PRELID2: variants seen among roughly 807,000 people sequenced by gnomAD.
PRELID2 encodes PRELI domain containing 2, also known as PRELI domain-containing protein 2.
A neutral mutation model predicts 28.4 loss-of-function variants in PRELID2; 25 were observed. The observed-to-expected ratio is 0.88, with a 90% CI of 0.64 to 1.23. The LOEUF is 1.23. Ranked by LOEUF, PRELID2 falls within the 50% of genes most tolerant of loss-of-function variation. The pLI is 0.00. For missense variants in PRELID2, 201 were observed against 214.4 expected, an observed-to-expected ratio of 0.94 and a Z score of 0.39; for synonymous variants, 76 against 71.6, an observed-to-expected ratio of 1.06 and a Z score of -0.31.
chr5:145,642,393 T>C (rs1754122829), intron 1 of PRELID2, among the ~76,000 whole-genome samples: 1 of 152,212 alleles, frequency 6.6e-6, no homozygotes, highest in Non-Finnish European at 1.5e-5. Context: ...TTATTTAAGT[T>C]CTTTGTAGAT....
At chr5:145,600,434 A>AAAAAAATATATATATATATATAT (rs1315631607) in intron 1 of PRELID2, among the ~76,000 whole-genome samples, 18 of 120,086 alleles carry the variant, frequency 1.5e-4, no homozygotes, top group African/African-American at 6.9e-4. Context: ...AAAAAAAAAA[A>AAAAAAATATATATATATATATAT]ATATATATAT....
intron 4 of PRELID2, among the ~76,000 whole-genome samples, chr5:145,796,886 C>T (rs1003594320): frequency 3.9e-5 from 6 of 152,086 alleles, no homozygotes; most frequent in Non-Finnish European, 7.4e-5. Flanking sequence ...ACCATAGTAT[C>T]TTTCTTTTAC....
intron 1 of PRELID2, among the ~76,000 whole-genome samples, chr5:145,515,175 T>C (rs1203377263): frequency 6.6e-6 from 1 of 150,674 alleles, no homozygotes; most frequent in African/African-American, 2.4e-5. Context: ...CTGAAGGAGA[T>C]AGAGACACGA....
intron 1 of PRELID2, among the ~76,000 whole-genome samples, chr5:145,640,277 G>A (rs1000293296): frequency 6.6e-6 from 1 of 151,992 alleles, no homozygotes; most frequent in Non-Finnish European, 1.5e-5. Flanking sequence ...ACGAGGTCAG[G>A]AGATCGAGAC....
chr5:145,272,103 A>G, the PRELID2 span, among the ~76,000 whole-genome samples: 1 of 151,744 alleles, frequency 6.6e-6, no homozygotes, highest in East Asian at 1.9e-4. Context: ...TTATTTCTGG[A>G]GCAGCAAACA....
chr5:145,637,504 C>T (rs1354678367), intron 1 of PRELID2, among the ~76,000 whole-genome samples: 2 of 150,482 alleles, frequency 1.3e-5, no homozygotes, highest in African/African-American at 2.4e-5. Flanking sequence ...ATTGGGACTT[C>T]TCTGCCAAAA....
intron 1 of PRELID2, among the ~76,000 whole-genome samples, chr5:145,746,894 A>G (rs950342450): frequency 2.0e-5 from 3 of 152,168 alleles, no homozygotes; most frequent in African/African-American, 7.2e-5. Flanking sequence ...AAAACCACAC[A>G]ATTACATGGA....
chr5:145,377,421 G>T, the PRELID2 span, among the ~76,000 whole-genome samples: 7 of 152,032 alleles, frequency 4.6e-5, no homozygotes, highest in Non-Finnish European at 8.8e-5. Context: ...GCTGAGTTCA[G>T]GTCCTGAATA....
chr5:145,270,558 CTT>C, the PRELID2 span, among the ~76,000 whole-genome samples: 1 of 152,094 alleles, frequency 6.6e-6, no homozygotes. Flanking sequence ...CAGAATAACA[CTT>C]TTAACTATTA....
chr5:145,590,196 T>C (rs1038769283), intron 1 of PRELID2, among the ~76,000 whole-genome samples: 4 of 152,184 alleles, frequency 2.6e-5, no homozygotes, highest in African/African-American at 4.8e-5. Flanking sequence ...AGTTTGTTCC[T>C]TCTTTCTGGT....
At chr5:145,445,778 C>T in the PRELID2 span, among the ~76,000 whole-genome samples, 12 of 151,416 alleles carry the variant, frequency 7.9e-5, no homozygotes, top group East Asian at 1.9e-4. Flanking sequence ...ATCAACATCA[C>T]TAATCATCAG....
At chr5:145,751,709 C>T (rs141501893), downstream of PRELID2, among the ~76,000 whole-genome samples, 1,310 of 152,300 alleles carry the variant, frequency 8.6e-3, 28 homozygotes, top group African/African-American at 0.03. Flanking sequence ...GGGCCAGGCA[C>T]GGTGGCTCAC....
chr5:145,398,154 T>C, the PRELID2 span, among the ~76,000 whole-genome samples: 6 of 152,130 alleles, frequency 3.9e-5, no homozygotes, highest in South Asian at 4.2e-4. Context: ...TTCAACTCAG[T>C]CTGTACTGCC....
At chr5:145,765,545 T>C (rs1175443907) in intron 5 of PRELID2, among the ~76,000 whole-genome samples, 1 of 152,116 alleles carries the variant, frequency 6.6e-6, no homozygotes, top group Admixed American at 6.5e-5. Flanking sequence ...AGGGGCAGCA[T>C]ACATCATTGG....
At chr5:145,293,455 T>C in the PRELID2 span, among the ~76,000 whole-genome samples, 2 of 152,174 alleles carry the variant, frequency 1.3e-5, no homozygotes, top group African/African-American at 4.8e-5. Context: ...TGCTGTTCCT[T>C]TTTATGGGTG....
chr5:145,353,590 G>C, the PRELID2 span, among the ~76,000 whole-genome samples: 3 of 152,060 alleles, frequency 2.0e-5, no homozygotes, highest in Non-Finnish European at 4.4e-5. Context: ...ATGGTGGAAG[G>C]GGAAGCAAAC....
At chr5:145,420,412 C>A in the PRELID2 span, among the ~76,000 whole-genome samples, 2 of 151,062 alleles carry the variant, frequency 1.3e-5, no homozygotes, top group African/African-American at 4.9e-5. Flanking sequence ...TTTCCTGGAG[C>A]AGTGGTTTGT....
the PRELID2 span, among the ~76,000 whole-genome samples, chr5:145,352,332 G>A: frequency 6.6e-6 from 1 of 152,294 alleles, no homozygotes. Flanking sequence ...TGACTTCTGT[G>A]TACCCTCATG....
intron 1 of PRELID2, among the ~76,000 whole-genome samples, chr5:145,689,583 A>T (rs1162993793): frequency 2.0e-5 from 3 of 152,212 alleles, no homozygotes; most frequent in African/African-American, 7.2e-5. Context: ...TATTCAACAC[A>T]TCAGAGGTTT....
Sources: gnomAD v4.1 joint callset for allele counts (sites outside exome capture counted in the v4.1 genomes callset) on GRCh38, gnomAD v4.1.1 for gene constraint, MANE v1.5 for transcripts, NCBI Gene and HGNC (gene_info 2026-07-23, HGNC 2026-07-21) for gene names.